The following VAC14 variants were observed in gnomAD, a reference collection of about 807,000 sequenced individuals.
VAC14 encodes protein VAC14 homolog.
Under a neutral mutation model 85.3 loss-of-function variants are expected in VAC14, and 47 were observed. The ratio of observed to expected loss-of-function variants is 0.55; its 90% CI spans 0.44 to 0.70. The LOEUF (loss-of-function observed/expected upper bound fraction) is 0.70, where lower values mean the gene tolerates loss of function less well. Among genes scored for constraint, VAC14 ranks in the 30% least tolerant of loss-of-function variants. The probability of loss-of-function intolerance (pLI) is 0.00; values close to 1 mark genes in which losing one functional copy is unlikely to be tolerated. For missense variants in VAC14, 861 were observed against 1,004.3 expected (o/e 0.86, Z 1.93); for synonymous variants, 447 against 430.5 (o/e 1.04, Z -0.47).
At chr16:70,692,796 G>A (rs1331495308) in intron 18 of VAC14, 25 bp downstream of exon 18, 2 of 1,587,152 alleles carry the variant, frequency 1.3e-6, no homozygotes, top group Non-Finnish European at 8.5e-7. Flanking sequence ...GGGGGCGGGG[G>A]CAGCAGTCCC....
chr16:70,694,164 A>G (rs2053659188), intron 17 of VAC14, among the ~76,000 whole-genome samples: 1 of 152,212 alleles, frequency 6.6e-6, no homozygotes, highest in African/African-American at 2.4e-5. Context: ...TGCCCCAGCA[A>G]AGCCCTGGGC....
At chr16:70,730,593 G>T in intron 14 of VAC14, among the ~76,000 whole-genome samples, 1 of 134,804 alleles carries the variant, frequency 7.4e-6, no homozygotes. Context: ...GGAGGCCCAG[G>T]CTTTTTTTTT....
intron 17 of VAC14, among the ~76,000 whole-genome samples, chr16:70,694,444 C>T: frequency 6.6e-6 from 1 of 152,206 alleles, no homozygotes; most frequent in East Asian, 1.9e-4. Flanking sequence ...GCTCTTCTGT[C>T]TCCAGGGCAT....
chr16:70,791,606 G>C (rs1003100073), intron 1 of VAC14, among the ~76,000 whole-genome samples: 5 of 152,120 alleles, frequency 3.3e-5, no homozygotes, highest in Non-Finnish European at 7.4e-5. Context: ...GGCTGGTCTT[G>C]AGCTCCTGGC....
chr16:70,771,865 G>A (rs1296753930), intron 10 of VAC14: 9 of 490,790 alleles, frequency 1.8e-5, no homozygotes, highest in Admixed American at 1.4e-4. Context: ...AGAGGCATAA[G>A]CCACCATGTC....
At chr16:70,709,449 G>A (rs1180529694) in intron 14 of VAC14, among the ~76,000 whole-genome samples, 3 of 152,200 alleles carry the variant, frequency 2.0e-5, no homozygotes, top group Non-Finnish European at 4.4e-5. Flanking sequence ...CATATCTGTA[G>A]CCAGCTCCTT....
rs777631640 is a variant in VAC14, at chr16:70,776,817, GT to G, written c.1096+3972del. Among the ~76,000 whole-genome samples the G allele has an allele frequency of 7.1e-4, 100 of 140,678 alleles. 1 individual carries two copies. Among genetic ancestry groups the G allele is most frequent in the Admixed American group, 6.4e-4 (9 of 14,018 alleles). 92.3% of individuals were successfully genotyped at this position (140,678 alleles called of 152,430 possible). ...GGTCTTGTTTAAAAAATTCTACCAG[GT>G]TTTTTTTTTTTTGAGATGGAGTCTT... On this transcript the variant is annotated intron_variant, in intron 9 of 18. Coordinates refer to ENST00000261776, the MANE Select transcript of VAC14 (RefSeq NM_018052.5).
chr16:70,695,213 G>A (rs1402085337), intron 17 of VAC14, among the ~76,000 whole-genome samples: 2 of 151,302 alleles, frequency 1.3e-5, no homozygotes, highest in Middle Eastern at 3.2e-3. Flanking sequence ...CTGGGCTCAA[G>A]TGATCCTCCT....
intron 1 of VAC14, among the ~76,000 whole-genome samples, chr16:70,792,851 C>T (rs2143330690): frequency 6.6e-6 from 1 of 152,348 alleles, no homozygotes; most frequent in South Asian, 2.1e-4. Flanking sequence ...TAAGCACTCA[C>T]ACTCTGCTGA....
chr16:70,734,212 C>T (rs895103219), intron 13 of VAC14, among the ~76,000 whole-genome samples: 2 of 152,048 alleles, frequency 1.3e-5, no homozygotes, highest in Admixed American at 6.6e-5. Flanking sequence ...GATTACAGTT[C>T]ACTGCAGCCT....
At chr16:70,784,022 G>A in intron 5 of VAC14, 91 bp downstream of exon 5, 1 of 1,015,908 alleles carries the variant, frequency 9.8e-7, no homozygotes, top group Non-Finnish European at 1.5e-6. Flanking sequence ...AACATGGAGG[G>A]TTCCTATAGC....
chr16:70,786,708 C>A (rs1468487111), intron 1 of VAC14, among the ~76,000 whole-genome samples: 1 of 152,202 alleles, frequency 6.6e-6, no homozygotes, highest in Non-Finnish European at 1.5e-5. Context: ...GCTTTCCATT[C>A]GTGCATCTCA....
At chr16:70,731,321 G>A (rs1045427472) in intron 14 of VAC14, 174 bp downstream of exon 14, 12 of 1,453,138 alleles carry the variant, frequency 8.3e-6, no homozygotes, top group African/African-American at 1.4e-5. Context: ...CATGTCAGAA[G>A]CATCAGCAAC....
At chr16:70,796,146 G>A (rs116939940) in intron 1 of VAC14, among the ~76,000 whole-genome samples, 1 of 152,312 alleles carries the variant, frequency 6.6e-6, no homozygotes, top group East Asian at 1.9e-4. Context: ...GTGGGAATAA[G>A]GTTGTAGGGG....
intron 14 of VAC14, among the ~76,000 whole-genome samples, chr16:70,713,703 G>GTTT (rs200562952): frequency 3.7e-5 from 4 of 109,478 alleles, no homozygotes; most frequent in Non-Finnish European, 8.1e-5. Flanking sequence ...GAGCATCTTT[G>GTTT]TTTTTGTTTT....
chr16:70,746,029 T>C (rs937348967), intron 12 of VAC14, among the ~76,000 whole-genome samples: 1 of 152,150 alleles, frequency 6.6e-6, no homozygotes, highest in African/African-American at 2.4e-5. Context: ...GCCAGTGAAT[T>C]CTATGCTTCA....
intron 1 of VAC14, among the ~76,000 whole-genome samples, chr16:70,798,583 C>T (rs1195607923): frequency 1.3e-5 from 2 of 152,196 alleles, no homozygotes; most frequent in Non-Finnish European, 1.5e-5. Flanking sequence ...ACTAACCAGC[C>T]ATTCTTCATT....
chr16:70,772,316 C>T (rs35042589), intron 9 of VAC14, 144 bp from the exon 10 acceptor site: 2 of 657,900 alleles, frequency 3.0e-6, no homozygotes, highest in Non-Finnish European at 5.2e-6. Context: ...CTCTGGAGCC[C>T]TGAGGACCCA....
Position 70,762,718 on chromosome 16 carries a change from C to G in VAC14, c.1306-113G>C. On this transcript the variant is annotated intron_variant, in intron 11 of 18. Coordinates refer to ENST00000261776, the MANE Select transcript of VAC14 (RefSeq NM_018052.5). The surrounding 1 kb of genome is among the most constrained non-coding windows in gnomAD (Gnocchi z 4.1). ...CCCACTGGTCTGCACGGACCACTTC[C>G]CTCCCCGACACAATGAGGGCTCCTC... 3 of 1,485,886 alleles carry G rather than the reference C, an allele frequency of 2.0e-6. No individual in the cohort carries two copies. The highest frequency in any genetic ancestry group is 2.8e-6 in the Non-Finnish European group (3 of 1,081,996). The allele number at this position is 1,485,886 out of a possible 1,614,324, so 92.0% of individuals were successfully genotyped here. A position where few individuals can be genotyped will look rare whatever the true frequency, so the allele number is the denominator to read the frequency against.
Sources: allele counts gnomAD v4.1 joint callset (sites outside exome capture counted in the v4.1 genomes callset), GRCh38; gene constraint gnomAD v4.1.1; non-coding constraint Gnocchi (gnomAD v3.1); transcripts MANE v1.5; gene names NCBI Gene and HGNC (gene_info 2026-07-23, HGNC 2026-07-21).